The following SCAF11 variants were observed in gnomAD, a reference collection of about 807,000 sequenced individuals.
SCAF11 encodes the protein protein SCAF11.
Under a neutral mutation model 140.5 loss-of-function variants are expected in SCAF11, and 47 were observed. That is an observed-to-expected ratio of 0.33 (90% CI 0.26 to 0.43). The LOEUF is 0.43. Among genes scored for constraint, SCAF11 ranks in the 20% least tolerant of loss-of-function variants. The probability of loss-of-function intolerance (pLI) is 1.00; values close to 1 mark genes in which losing one functional copy is unlikely to be tolerated. For synonymous variants in SCAF11, 557 were observed against 579.4 expected (o/e 0.96, Z 0.55); for missense variants, 1,645 against 1,705.1 (o/e 0.96, Z 0.62).
At chr12:45,957,439 T>G (rs1055262623) in intron 3 of SCAF11, among the ~76,000 whole-genome samples, 22 of 152,158 alleles carry the variant, frequency 1.4e-4, no homozygotes, top group African/African-American at 5.1e-4. Flanking sequence ...AAATATAACC[T>G]TCACCTATGT....
chr12:45,991,985 C>G (rs758469009), upstream of SCAF11: 1 of 1,289,098 alleles, frequency 7.8e-7, no homozygotes, highest in South Asian at 1.2e-5. Flanking sequence ...CTGACGCCTG[C>G]CCGGGATGAG....
chr12:45,973,516 T>C (rs569942013), intron 1 of SCAF11, among the ~76,000 whole-genome samples: 1 of 152,090 alleles, frequency 6.6e-6, no homozygotes, highest in South Asian at 2.1e-4. Context: ...ATAATCCCAA[T>C]GAAATCCATG....
intron 1 of SCAF11, chr12:45,975,070 C>CT (rs1269736470): frequency 6.6e-6 from 1 of 152,164 alleles, no homozygotes; most frequent in Admixed American, 6.6e-5. Context: ...TGAAAGGAAT[C>CT]TTTTTATCTG....
intron 5 of SCAF11, among the ~76,000 whole-genome samples, chr12:45,945,880 C>T (rs996634121): frequency 1.3e-5 from 2 of 151,670 alleles, no homozygotes; most frequent in South Asian, 2.1e-4. Context: ...TTACTAGACA[C>T]GAGGTCTCAC....
Position 45,926,563 on chromosome 12 carries a change from A to G in SCAF11, c.3138T>C (p.His1046=), listed in dbSNP as rs1944864948. The change falls in exon 11 of 15, where the codon CAT becomes CAC. Residue 1046 remains histidine, a synonymous_variant. Coordinates refer to ENST00000369367, the MANE Select transcript of SCAF11 (RefSeq NM_004719.3). ...TRNPEKLKES[H]WEENRNENSG... is the part of the protein sequence containing the mutation. ...AATTTTCATTTCTATTTTCTTCCCA[A>G]TGAGACTCTTTCAACTTTTCTGGAT... The G allele has an allele frequency of 1.9e-6, 3 of 1,613,110 alleles. No homozygotes were observed. Among genetic ancestry groups the G allele is most frequent in the Non-Finnish European group, 2.5e-6 (3 of 1,179,854 alleles).
rs533334818 is a variant in SCAF11 at position 45,928,074 on chromosome 12, T to C, written c.1627A>G (p.Thr543Ala). ...SQSEVKTDVC[T>A]VHLPNDFPTC... is the part of the protein sequence containing the mutation. ...GGAAAATCATTTGGAAGATGAACTG[T>C]ACATACATCTGTCTTTACCTCTGAT... Residue 543 changes from threonine (T) to alanine (A), a missense_variant, in exon 11 of 15, where the codon ACA (threonine) becomes GCA (alanine). Thr to Ala is a moderately conservative substitution (Grantham distance 58, BLOSUM62 0). This residue lies in a region of SCAF11 where 1,582 missense variants were observed against 1,609.2 expected (regional missense o/e 0.98). Coordinates refer to ENST00000369367, the MANE Select transcript of SCAF11 (RefSeq NM_004719.3). 3.7e-5 allele frequency: 59 copies of C among 1,613,836 alleles called. No individual in the cohort carries two copies. Among genetic ancestry groups the C allele is most frequent in the Non-Finnish European group, 4.9e-5 (58 of 1,179,996 alleles).
intron 1 of SCAF11, among the ~76,000 whole-genome samples, chr12:45,983,784 CAA>C (rs1946401203): frequency 6.7e-6 from 1 of 149,488 alleles, no homozygotes; most frequent in Non-Finnish European, 1.5e-5. Context: ...CACACACACA[CAA>C]AGACTGAACT....
intron 3 of SCAF11, among the ~76,000 whole-genome samples, chr12:45,952,725 T>C (rs1945580782): frequency 2.6e-5 from 4 of 152,208 alleles, no homozygotes; most frequent in African/African-American, 9.6e-5. Flanking sequence ...ATGTATTTTC[T>C]ATTAGGGTAG....
intron 1 of SCAF11, chr12:45,975,646 A>C (rs901931490): frequency 2.6e-5 from 4 of 154,156 alleles, no homozygotes; most frequent in African/African-American, 9.6e-5. Flanking sequence ...CTTTGAGTTA[A>C]GAGAATGTTA....
intron 1 of SCAF11, among the ~76,000 whole-genome samples, chr12:45,986,454 C>A (rs1048915377): frequency 1.3e-5 from 2 of 152,176 alleles, no homozygotes; most frequent in East Asian, 3.8e-4. Flanking sequence ...ATCCTCATCT[C>A]TCCCAGACTA....
At chr12:45,949,878 G>T (rs184094552) in intron 4 of SCAF11, among the ~76,000 whole-genome samples, 1 of 152,118 alleles carries the variant, frequency 6.6e-6, no homozygotes, top group African/African-American at 2.4e-5. Context: ...TAAAGCTACT[G>T]AAGTATAATA....
At chr12:45,948,222 C>A (rs1945470309) in intron 5 of SCAF11, among the ~76,000 whole-genome samples, 1 of 152,090 alleles carries the variant, frequency 6.6e-6, no homozygotes, top group African/African-American at 2.4e-5. Flanking sequence ...AGTGAGCCAC[C>A]ATGCCCAGCC....
chr12:45,935,414 C>A (rs1175052276), intron 6 of SCAF11, among the ~76,000 whole-genome samples: 1 of 152,174 alleles, frequency 6.6e-6, no homozygotes, highest in Non-Finnish European at 1.5e-5. Flanking sequence ...CCGGAACTTA[C>A]TGCCTTACCC....
At chr12:45,983,768 C>CACAT (rs1401733282) in intron 1 of SCAF11, among the ~76,000 whole-genome samples, 2 of 151,402 alleles carry the variant, frequency 1.3e-5, no homozygotes, top group African/African-American at 2.4e-5. Flanking sequence ...CACACACACA[C>CACAT]ACACACACAC....
At chr12:45,963,629 A>C (rs1048837540) in intron 2 of SCAF11, among the ~76,000 whole-genome samples, 1 of 152,178 alleles carries the variant, frequency 6.6e-6, no homozygotes, top group Admixed American at 6.5e-5. Context: ...AAATAAACTC[A>C]AGCAAACATT....
rs779556934 is a variant in SCAF11, at chr12:45,924,973, C to T, written c.3661G>A (p.Ala1221Thr). 6.2e-7 allele frequency: 1 copy of T among 1,614,112 alleles called. No individual in the cohort carries two copies. ...QMNVMQQQMN[A>T]QHQPMNIFPY... The stretch of plus-strand genomic sequence containing the variant: ...AAGATATTCATAGGCTGGTGTTGTG[C>T]ATTCATTTGTTGCTGCATTACATTC... The change falls in exon 12 of 15, where the codon GCA (alanine) becomes ACA (threonine). Residue 1221 changes from alanine to threonine, a missense_variant. This residue lies in a region of SCAF11 where 1,582 missense variants were observed against 1,609.2 expected (regional missense o/e 0.98). Coordinates refer to ENST00000369367, the MANE Select transcript of SCAF11 (RefSeq NM_004719.3).
chr12:45,989,859 G>C (rs151112002), intron 1 of SCAF11, among the ~76,000 whole-genome samples: 5 of 152,168 alleles, frequency 3.3e-5, no homozygotes, highest in African/African-American at 4.8e-5. Context: ...GGACGCTCGC[G>C]ACCAAAGTCT....
intron 10 of SCAF11, chr12:45,930,038 T>C (rs1005278735): frequency 3.3e-5 from 5 of 152,186 alleles, no homozygotes; most frequent in Non-Finnish European, 5.9e-5. Context: ...ATTCTTACAA[T>C]AAAAGAAGCT....
intron 1 of SCAF11, among the ~76,000 whole-genome samples, chr12:45,989,438 C>T (rs935713014): frequency 3.3e-5 from 5 of 152,310 alleles, no homozygotes; most frequent in South Asian, 2.1e-4. Context: ...GAACAACAGT[C>T]AGCTGGTAGA....
Sources: gnomAD v4.1 joint callset for allele counts (sites outside exome capture counted in the v4.1 genomes callset) on GRCh38, gnomAD v4.1.1 for gene constraint, gnomAD v4.1.1 regional missense constraint, MANE v1.5 for transcripts, NCBI Gene and HGNC (gene_info 2026-07-23, HGNC 2026-07-21) for gene names.